The following COL25A1 variants were observed in gnomAD, a reference collection of about 807,000 sequenced individuals.
COL25A1 encodes the protein collagen type XXV alpha 1 chain.
In COL25A1, 103 loss-of-function variants were observed where a neutral mutation model predicts 128.4. The observed-to-expected ratio is 0.80, with a 90% CI of 0.68 to 0.94. The LOEUF (loss-of-function observed/expected upper bound fraction) is 0.94. Among genes scored for constraint, COL25A1 ranks in the 40% least tolerant of loss-of-function variants. The pLI, the probability that COL25A1 is intolerant of heterozygous loss-of-function variation, is 0.00. For synonymous variants in COL25A1, 279 were observed against 277.2 expected, an observed-to-expected ratio of 1.01 and a Z score of -0.06; for missense variants, 745 against 840.0, an observed-to-expected ratio of 0.89 and a Z score of 1.40.
intron 5 of COL25A1, among the ~76,000 whole-genome samples, chr4:109,013,961 C>T (rs1756962053): frequency 6.6e-6 from 1 of 152,198 alleles, no homozygotes; most frequent in Admixed American, 6.5e-5. Context: ...CAACCCCCCT[C>T]AGCTTTAAGC....
intron 3 of COL25A1, among the ~76,000 whole-genome samples, chr4:109,112,283 T>C (rs1767099595): frequency 6.6e-6 from 1 of 152,146 alleles, no homozygotes; most frequent in African/African-American, 2.4e-5. Context: ...TGAGGTGATT[T>C]ACTTCTTCTC....
rs141572622 is a variant in COL25A1 at position 109,220,370 on chromosome 4, T to A, written c.367+80213A>T. On this transcript the variant is annotated intron_variant, in intron 3 of 37. Transcript: ENST00000399132. ...GTGGTTTATCTCAACTGATAAGATATTCAGAAATAACTCTACATGGCAGAA... is the reference window on the plus strand; with the variant it reads ...GTGGTTTATCTCAACTGATAAGATAATCAGAAATAACTCTACATGGCAGAA... Among the ~76,000 whole-genome samples the A allele has an allele frequency of 7.0e-3, 1,070 of 152,304 alleles. 18 individuals carry two copies. Among genetic ancestry groups the A allele is most frequent in the African/African-American group, 0.024 (1,015 of 41,580 alleles).
chr4:109,289,808 T>C (rs1688922470), intron 3 of COL25A1, among the ~76,000 whole-genome samples: 1 of 152,118 alleles, frequency 6.6e-6, no homozygotes, highest in Non-Finnish European at 1.5e-5. Context: ...AAGACAATCC[T>C]GTCCACTCTG....
chr4:109,073,678 A>G (rs551073274), intron 3 of COL25A1, among the ~76,000 whole-genome samples: 1 of 152,280 alleles, frequency 6.6e-6, no homozygotes, highest in Non-Finnish European at 1.5e-5. Flanking sequence ...TTGAGATGCT[A>G]TCATATCTTT....
chr4:109,107,484 G>A lies in COL25A1; in HGVS notation c.368-57305C>T, dbSNP rs1579387861. On this transcript the variant is annotated intron_variant, in intron 3 of 37. Transcript: ENST00000399132. ...ATAACATTTTTCATCTATTTTTACTGAGAAAAGGAAACTAACCACTTGTCA... is the reference window on the plus strand; with the variant it reads ...ATAACATTTTTCATCTATTTTTACTAAGAAAAGGAAACTAACCACTTGTCA... 2.6e-5 allele frequency among the ~76,000 whole-genome samples: 4 copies of A among 152,196 alleles called. No individual in the cohort carries two copies. In the East Asian group the frequency reaches 7.7e-4, roughly 29 times the overall value.
intron 3 of COL25A1, among the ~76,000 whole-genome samples, chr4:109,110,538 A>G (rs1448216630): frequency 6.6e-6 from 1 of 152,120 alleles, no homozygotes; most frequent in East Asian, 1.9e-4. Flanking sequence ...TTGAGCTCTC[A>G]TATCACTCCT....
chr4:109,236,500 A>G (rs1020309256), intron 3 of COL25A1, among the ~76,000 whole-genome samples: 2 of 152,064 alleles, frequency 1.3e-5, no homozygotes, highest in African/African-American at 4.8e-5. Flanking sequence ...AAAACTTAAG[A>G]GTACAACCAC....
At chr4:108,970,968 A>C (rs1455547818) in intron 8 of COL25A1, among the ~76,000 whole-genome samples, 1 of 152,106 alleles carries the variant, frequency 6.6e-6, no homozygotes, top group African/African-American at 2.4e-5. Context: ...TTCCTTAACT[A>C]AATCCTGCCA....
chr4:109,180,369 A>G lies in COL25A1; in HGVS notation c.367+120214T>C, dbSNP rs1725326061. Among the ~76,000 whole-genome samples, 3 of 152,182 alleles carry G rather than the reference A, an allele frequency of 2.0e-5. No homozygotes were observed. In the South Asian group the frequency reaches 6.2e-4, roughly 31 times the overall value. ...TCTATCTCTGACAACTAGTTATTTT[A>G]AAACTCTAAAGGATAGTAAAGTTTA... On this transcript the variant is annotated intron_variant, in intron 3 of 37. Coordinates refer to ENST00000399132, the MANE Select transcript of COL25A1 (RefSeq NM_198721.4).
intron 3 of COL25A1, among the ~76,000 whole-genome samples, chr4:109,260,858 A>C (rs113818107): frequency 2.7e-4 from 41 of 152,280 alleles, no homozygotes; most frequent in African/African-American, 8.9e-4. Context: ...AGGAAAAAAA[A>C]CAATATTATA....
At chr4:109,014,547 T>C (rs953229154) in intron 5 of COL25A1, among the ~76,000 whole-genome samples, 21 of 152,358 alleles carry the variant, frequency 1.4e-4, no homozygotes, top group African/African-American at 4.6e-4. Context: ...GACCAAATGA[T>C]ATGGCACAAT....
chr4:108,862,403 TTAATC>T, intron 22 of COL25A1, 93 bp downstream of exon 22: 1 of 900,724 alleles, frequency 1.1e-6, no homozygotes, highest in South Asian at 1.3e-5. Flanking sequence ...GTGAAAGAGT[TTAATC>T]TAAAACATGA....
At chr4:108,855,245 G>C (rs2125780272) in intron 24 of COL25A1, among the ~76,000 whole-genome samples, 1 of 147,536 alleles carries the variant, frequency 6.8e-6, no homozygotes, top group Middle Eastern at 3.5e-3. Flanking sequence ...CCACAAACTG[G>C]GGGCAAGGTT....
intron 6 of COL25A1, among the ~76,000 whole-genome samples, chr4:109,008,107 G>A (rs547008609): frequency 1.3e-5 from 2 of 152,240 alleles, no homozygotes; most frequent in East Asian, 3.9e-4. Context: ...GCAGATGTAG[G>A]TGCCTGCCCA....
At chr4:108,905,255 C>T (rs1474390331) in intron 13 of COL25A1, among the ~76,000 whole-genome samples, 1 of 151,808 alleles carries the variant, frequency 6.6e-6, no homozygotes, top group Non-Finnish European at 1.5e-5. Flanking sequence ...TGTGGCTAGT[C>T]CTAATGGAGA....
intron 6 of COL25A1, among the ~76,000 whole-genome samples, chr4:108,995,181 A>G (rs1754640296): frequency 6.6e-6 from 1 of 152,208 alleles, no homozygotes; most frequent in Non-Finnish European, 1.5e-5. Flanking sequence ...GAGCTGAAGG[A>G]GCATATTTTA....
At chr4:108,981,120 T>C (rs1752928905) in intron 6 of COL25A1, among the ~76,000 whole-genome samples, 1 of 152,198 alleles carries the variant, frequency 6.6e-6, no homozygotes, top group Non-Finnish European at 1.5e-5. Context: ...GAAAACCACA[T>C]TGCAAATAGT....
intron 18 of COL25A1, among the ~76,000 whole-genome samples, chr4:108,884,962 A>T (rs1305468320): frequency 2.7e-5 from 4 of 150,848 alleles, no homozygotes; most frequent in African/African-American, 9.7e-5. Context: ...CCAAAGAATG[A>T]TAATAAGAGG....
At chr4:109,201,901 A>G (rs1015329550) in intron 3 of COL25A1, among the ~76,000 whole-genome samples, 2 of 152,216 alleles carry the variant, frequency 1.3e-5, no homozygotes, top group African/African-American at 4.8e-5. Context: ...AATTTAAAAG[A>G]AAGATACAAA....
Sources: allele counts gnomAD v4.1 joint callset (sites outside exome capture counted in the v4.1 genomes callset), GRCh38; gene constraint gnomAD v4.1.1; transcripts MANE v1.5; gene names NCBI Gene and HGNC (gene_info 2026-07-23, HGNC 2026-07-21).